Variants in DNM3 observed in about 807,000 individuals in gnomAD.
The protein encoded by DNM3 is dynamin 3, also known as dynamin-3.
In DNM3, 47 loss-of-function variants were observed where a neutral mutation model predicts 101.6. The observed-to-expected ratio is 0.46, with a 90% CI of 0.37 to 0.59. The LOEUF (loss-of-function observed/expected upper bound fraction) is 0.59, where lower values mean the gene tolerates loss of function less well. DNM3 is among the 20% of genes least tolerant of loss of function. The pLI is 0.00. For synonymous variants in DNM3, 385 were observed against 387.9 expected (o/e 0.99, Z 0.09); for missense variants, 849 against 1,085.7 (o/e 0.78, Z 3.06).
Position 171,987,704 on chromosome 1 carries a change from A to T in DNM3, c.284A>T (p.Asp95Val), listed in dbSNP as rs201168352. ...HCKGKKFTDF[D>V]EVRLEIEAET... Reference sequence around the variant, plus strand: ...AAAGGAAAGAAATTTACAGATTTTGATGAAGTTCGCCTTGAGATTGAAGCA... The same window carrying T: ...AAAGGAAAGAAATTTACAGATTTTGTTGAAGTTCGCCTTGAGATTGAAGCA... Residue 95 changes from aspartate (D) to valine (V), a missense_variant, in exon 3 of 21, where the codon GAT becomes GTT. Transcript: ENST00000627582. 1.4e-5 allele frequency: 23 copies of T among 1,597,906 alleles called. No homozygotes were observed. Among genetic ancestry groups the T allele is most frequent in the Non-Finnish European group, 1.9e-5 (22 of 1,173,010 alleles).
chr1:171,935,052 G>T (rs1272207779), intron 2 of DNM3, among the ~76,000 whole-genome samples: 7 of 151,996 alleles, frequency 4.6e-5, no homozygotes. Flanking sequence ...GTATGATACT[G>T]CTAATATTGC....
chr1:171,976,906 G>A (rs1289430970), intron 2 of DNM3, among the ~76,000 whole-genome samples: 1 of 152,002 alleles, frequency 6.6e-6, no homozygotes, highest in Non-Finnish European at 1.5e-5. Context: ...AGATTCTGTG[G>A]GGAAACAGTA....
chr1:172,108,836 C>A (rs1365862114), intron 13 of DNM3, among the ~76,000 whole-genome samples: 3 of 152,192 alleles, frequency 2.0e-5, no homozygotes, highest in Non-Finnish European at 4.4e-5. Flanking sequence ...GTTATTTACA[C>A]ACTTAGCCTG....
At chr1:171,997,307 G>A (rs1176075216) in intron 4 of DNM3, among the ~76,000 whole-genome samples, 2 of 152,110 alleles carry the variant, frequency 1.3e-5, no homozygotes, top group African/African-American at 4.8e-5. Flanking sequence ...TATGCAATAA[G>A]CATAATTTCA....
intron 2 of DNM3, among the ~76,000 whole-genome samples, chr1:171,975,418 G>A (rs2044300103): frequency 6.6e-6 from 1 of 152,116 alleles, no homozygotes; most frequent in South Asian, 2.1e-4. Flanking sequence ...TGACTAGGTC[G>A]ATGTTGCTTG....
chr1:172,405,886 GCTA>G (rs1231940881), intron 20 of DNM3, among the ~76,000 whole-genome samples: 2 of 150,996 alleles, frequency 1.3e-5, no homozygotes, highest in African/African-American at 2.4e-5. Context: ...TGTCACTTTA[GCTA>G]CTTTTTTTTT....
At chr1:171,865,529 A>T (rs2034649544) in intron 1 of DNM3, among the ~76,000 whole-genome samples, 2 of 151,096 alleles carry the variant, frequency 1.3e-5, no homozygotes, top group African/African-American at 4.8e-5. Context: ...AAAAAAAAAA[A>T]AAAAAAAAAA....
intron 1 of DNM3, among the ~76,000 whole-genome samples, chr1:171,871,522 G>A (rs2035281667): frequency 6.6e-6 from 1 of 152,150 alleles, no homozygotes; most frequent in Admixed American, 6.5e-5. Context: ...TCAGTGCATA[G>A]GATTCTCGCA....
chr1:172,190,842 T>G (rs2059692676), intron 14 of DNM3, among the ~76,000 whole-genome samples: 1 of 152,174 alleles, frequency 6.6e-6, no homozygotes, highest in Non-Finnish European at 1.5e-5. Flanking sequence ...TCATATCCTT[T>G]GCCCACTTTT....
intron 2 of DNM3, among the ~76,000 whole-genome samples, chr1:171,932,809 T>C (rs956371923): frequency 3.9e-5 from 6 of 152,210 alleles, no homozygotes; most frequent in African/African-American, 1.4e-4. Flanking sequence ...ATCATGCAAA[T>C]ACTGGAATGG....
At chr1:172,230,395 T>A (rs1284339517) in intron 14 of DNM3, among the ~76,000 whole-genome samples, 1 of 152,194 alleles carries the variant, frequency 6.6e-6, no homozygotes, top group Non-Finnish European at 1.5e-5. Flanking sequence ...TCTCCCTACC[T>A]CCTTACAATA....
At chr1:172,038,269 G>T in intron 6 of DNM3, 50 bp from the exon 7 acceptor site, 2 of 1,605,416 alleles carry the variant, frequency 1.2e-6, no homozygotes, top group African/African-American at 1.3e-5. Flanking sequence ...TCTTTAATCT[G>T]TGTATATGAT....
At chr1:171,874,968 G>A (rs1298107647) in intron 1 of DNM3, among the ~76,000 whole-genome samples, 1 of 151,958 alleles carries the variant, frequency 6.6e-6, no homozygotes, top group Non-Finnish European at 1.5e-5. Flanking sequence ...ATGGCCTCCA[G>A]CTCTGTCCAT....
chr1:172,308,916 C>A, intron 16 of DNM3, 77 bp downstream of exon 16: 1 of 752,874 alleles, frequency 1.3e-6, no homozygotes, highest in Non-Finnish European at 2.0e-6. Context: ...ATACCATAAG[C>A]TGGAGAAACT....
At chr1:172,034,979 A>G (rs975138518) in intron 6 of DNM3, among the ~76,000 whole-genome samples, 3 of 152,156 alleles carry the variant, frequency 2.0e-5, no homozygotes, top group Non-Finnish European at 4.4e-5. Flanking sequence ...CCGTGAGTGA[A>G]AAAAGAATGT....
chr1:172,132,597 G>A (rs1293748153), intron 14 of DNM3, among the ~76,000 whole-genome samples: 1 of 152,100 alleles, frequency 6.6e-6, no homozygotes, highest in African/African-American at 2.4e-5. Context: ...CTGTTCAGTT[G>A]TAATAAGGTA....
chr1:172,004,744 C>T (rs983591104), intron 4 of DNM3, among the ~76,000 whole-genome samples: 6 of 151,938 alleles, frequency 3.9e-5, no homozygotes, highest in Admixed American at 3.9e-4. Flanking sequence ...GGAGAATATA[C>T]AGTCTCTACC....
rs781193654 is a variant in DNM3, at chr1:172,038,338, G to A, written c.869G>A (p.Arg290Gln). ...GTTTAGCAACTTACCAACCACATTC[G>A]GGATACCCTACCAAACTTCAGGAAC... ...VLNQQLTNHI[R>Q]DTLPNFRNKL... Residue 290 changes from arginine (R) to glutamine (Q), a missense_variant, in exon 7 of 21, where the codon CGG becomes CAG. Arg to Gln is a conservative substitution (Grantham distance 43, BLOSUM62 1). Coordinates refer to ENST00000627582, the MANE Select transcript of DNM3 (RefSeq NM_015569.5). 63 of 1,612,968 alleles carry A rather than the reference G, an allele frequency of 3.9e-5. No homozygotes were observed. The Middle Eastern group carries it at 3.0e-3, about 76-fold the overall frequency.
intron 14 of DNM3, among the ~76,000 whole-genome samples, chr1:172,222,204 G>A (rs957064946): frequency 4.6e-5 from 7 of 152,122 alleles, no homozygotes; most frequent in African/African-American, 1.7e-4. Flanking sequence ...AAGAAACATG[G>A]CCACTTGCTT....
Sources: allele counts gnomAD v4.1 joint callset (sites outside exome capture counted in the v4.1 genomes callset), GRCh38; gene constraint gnomAD v4.1.1; transcripts MANE v1.5; gene names NCBI Gene and HGNC (gene_info 2026-07-23, HGNC 2026-07-21).